BOD1L1: variants seen among roughly 807,000 people sequenced by gnomAD.
BOD1L1 encodes the protein biorientation of chromosomes in cell division 1 like 1, also known as biorientation of chromosomes in cell division protein 1-like 1.
BOD1L1 carries 86 observed loss-of-function variants against 240.7 expected under a neutral mutation model. That is an observed-to-expected ratio of 0.36 (90% CI 0.30 to 0.43). The LOEUF (loss-of-function observed/expected upper bound fraction) is 0.43, where lower values mean the gene tolerates loss of function less well. BOD1L1 is among the 20% of genes least tolerant of loss of function. BOD1L1 has a pLI of 1.00. For missense variants in BOD1L1, 3,554 were observed against 3,643.5 expected, an observed-to-expected ratio of 0.98 and a Z score of 0.63; for synonymous variants, 1,268 against 1,272.3, an observed-to-expected ratio of 1.00 and a Z score of 0.07.
At chr4:13,620,154 C>G (rs1262966324) in intron 1 of BOD1L1, 87 bp from the exon 2 acceptor site, 7 of 1,333,586 alleles carry the variant, frequency 5.2e-6, no homozygotes, top group Non-Finnish European at 1.0e-6. Flanking sequence ...CATGGGACAA[C>G]AAAGTTTCAC....
intron 9 of BOD1L1, among the ~76,000 whole-genome samples, chr4:13,606,848 A>G (rs952698649): frequency 6.6e-6 from 1 of 152,056 alleles, no homozygotes; most frequent in Non-Finnish European, 1.5e-5. Context: ...TTTTTTTGTC[A>G]TTACTGGCAT....
chr4:13,626,007 T>C (rs182658745), intron 1 of BOD1L1: 2 of 152,344 alleles, frequency 1.3e-5, no homozygotes, highest in African/African-American at 2.4e-5. Context: ...GTTGTAAACA[T>C]GCATTTCTCA....
Position 13,602,545 on chromosome 4 carries a change from G to T in BOD1L1, c.4355C>A (p.Ala1452Asp), listed in dbSNP as rs574689843. Residue 1452 changes from alanine (A) to aspartate (D), a missense_variant, in exon 10 of 26, where the codon GCT becomes GAT. Transcript: ENST00000040738. ...HVVGLNTEKY[A>D]ETVKLKHKRS... ...TTTATGCTTAAGTTTGACAGTTTCA[G>T]CATATTTTTCTGTATTCAGGCCTAC... 57 of 1,613,956 alleles carry T rather than the reference G, an allele frequency of 3.5e-5. No homozygotes were observed. The East Asian group carries it at 1.2e-3, about 34-fold the overall frequency.
intron 22 of BOD1L1, chr4:13,577,915 T>G (rs1712899423): frequency 3.7e-6 from 1 of 273,656 alleles, no homozygotes; most frequent in African/African-American, 2.3e-5. Flanking sequence ...ACTTTTTTTT[T>G]TTTTCTAAGA....
chr4:13,581,245 A>C (rs961226783), intron 19 of BOD1L1, 38 bp from the exon 20 acceptor site: 15 of 1,385,066 alleles, frequency 1.1e-5, no homozygotes, highest in African/African-American at 2.9e-5. Context: ...GCAATAAGAA[A>C]AAAAATTTTA....
chr4:13,611,467 C>T (rs2108976975), intron 5 of BOD1L1, among the ~76,000 whole-genome samples: 1 of 152,300 alleles, frequency 6.6e-6, no homozygotes, highest in Admixed American at 6.5e-5. Flanking sequence ...CTTTCACAGG[C>T]TGAACACAAA....
chr4:13,588,912 T>C (rs1713950977), intron 14 of BOD1L1, 120 bp from the exon 15 acceptor site: 12 of 616,262 alleles, frequency 1.9e-5, no homozygotes, highest in Non-Finnish European at 3.3e-5. Context: ...TGAGTACCAG[T>C]TATATACAGG....
At chr4:13,610,869 G>C (rs1384052753) in intron 6 of BOD1L1, 65 bp downstream of exon 6, 1 of 1,386,042 alleles carries the variant, frequency 7.2e-7, no homozygotes, top group Non-Finnish European at 9.9e-7. Context: ...GTACCTTGCA[G>C]ATAGACTATT....
At chr4:13,622,163 C>A (rs138156188) in intron 1 of BOD1L1, among the ~76,000 whole-genome samples, 48 of 152,262 alleles carry the variant, frequency 3.2e-4, no homozygotes, top group African/African-American at 1.1e-3. Flanking sequence ...CCATACCCAG[C>A]CCTAAAACTA....
In BOD1L1 at chr4:13,601,583, C is replaced by T. The variant is rs754513980; in HGVS notation, c.5317G>A (p.Ala1773Thr). The T allele has an allele frequency of 1.2e-6, 2 of 1,614,018 alleles. No homozygotes were observed. The highest frequency in any genetic ancestry group is 1.7e-6 in the Non-Finnish European group (2 of 1,179,900). ...ACAGAACCATCTCCTTCTTGGCTGG[C>T]ACTTGTTCCTGGTGGTGCATCATTA... ...GDNDAPPGTS[A>T]SQEGDGSVND... The change falls in exon 10 of 26, where the codon GCC becomes ACC. Residue 1773 changes from alanine to threonine, a missense_variant. Physicochemically the swap from Ala to Thr is moderately conservative, Grantham distance 58. Coordinates refer to ENST00000040738, the MANE Select transcript of BOD1L1 (RefSeq NM_148894.3).
chr4:13,599,206 G>A lies in BOD1L1; in HGVS notation c.7694C>T (p.Thr2565Ile). ...EQQGSEDNLK[T>I]STTKCITGQE... ...GCCAGTAATACATTTGGTGGTACTG[G>A]TTTTCAAGTTGTCTTCAGACCCCTG... Residue 2565 changes from threonine to isoleucine, a missense_variant, in exon 10 of 26, where the codon ACC becomes ATC. By Grantham distance (89) the Thr-to-Ile change is moderately conservative. Transcript: ENST00000040738. 1 of 1,613,910 alleles carries A rather than the reference G, an allele frequency of 6.2e-7. No homozygotes were observed. Among genetic ancestry groups the A allele is most frequent in the Non-Finnish European group, 8.5e-7 (1 of 1,179,838 alleles).
At chr4:13,582,785 C>T (rs746896859) in intron 17 of BOD1L1, 49 bp from the exon 18 acceptor site, 13 of 1,268,698 alleles carry the variant, frequency 1.0e-5, no homozygotes, top group South Asian at 2.5e-5. Context: ...CTGAAGCCTT[C>T]GTCCATTCAT....
At position 13,582,677 on chromosome 4, in the gene BOD1L1, A is replaced by T. The variant is rs146301325; in HGVS notation, c.8493T>A (p.Thr2831=). 2 of 1,612,508 alleles carry T rather than the reference A, an allele frequency of 1.2e-6. No homozygotes were observed. The highest frequency in any genetic ancestry group is 3.3e-5 in the Admixed American group (2 of 60,014). ...CTTTTTCTTCCATGACCCTTGAGGT[A>T]GTGCTATTTGTCTCAGAACTGGTTT... ...LPKTSSETNS[T]TSRVMEEKDE... is the part of the protein sequence containing the mutation. The change falls in exon 18 of 26, where the codon ACT becomes ACA. Residue 2831 remains threonine (T), a synonymous_variant. Transcript: ENST00000040738.
Position 13,603,032 on chromosome 4 carries a change from C to A in BOD1L1, c.3868G>T (p.Val1290Leu), listed in dbSNP as rs372828779. 2.5e-6 allele frequency: 4 copies of A among 1,613,866 alleles called. No homozygotes were observed. Among genetic ancestry groups the A allele is most frequent in the African/African-American group, 1.3e-5 (1 of 74,918 alleles). Residue 1290 changes from valine to leucine, a missense_variant, in exon 10 of 26, where the codon GTG (valine) becomes TTG (leucine). Around this residue, in one of 2 missense-constraint regions of BOD1L1, gnomAD observed 3,393 missense variants for 3,427.1 expected, o/e 0.99. Coordinates refer to ENST00000040738, the MANE Select transcript of BOD1L1 (RefSeq NM_148894.3). Reference sequence around the variant, plus strand: ...GGATCATACGATTCCCTCAGAGGCACAACAGTCACTGAACTTAAGGATGGT... The same window carrying A: ...GGATCATACGATTCCCTCAGAGGCAAAACAGTCACTGAACTTAAGGATGGT... ...SSPSLSSVTV[V>L]PLRESYDPDV...
In BOD1L1 at chr4:13,570,756, GGAGA is replaced by G. The variant is rs560713797; in HGVS notation, c.9039-632_9039-629del. Among the ~76,000 whole-genome samples, 15 of 152,224 alleles carry G rather than the reference GGAGA, an allele frequency of 9.9e-5. No homozygotes were observed. The South Asian group carries it at 3.1e-3, about 32-fold the overall frequency. On this transcript the variant is annotated intron_variant, in intron 25 of 25. Coordinates refer to ENST00000040738, the MANE Select transcript of BOD1L1 (RefSeq NM_148894.3). ...TCCTCTTGGGTCTCTGATGCTTTCA[GGAGA>G]AAATCATCCAGAGCCTTTTATAGTT...
In BOD1L1 at chr4:13,604,698, T is replaced by C. The variant is rs1247505457; in HGVS notation, c.2202A>G (p.Pro734=). Residue 734 remains proline (P), a synonymous_variant, in exon 10 of 26, where the codon CCA becomes CCG. Transcript: ENST00000040738. ...GTTTCACAGACAATTTGTCTTCCGA[T>C]GGAGTTTTCTCTCTTTCAGGCTTCT... ...SKEKPEREKT[P]SEDKLSVKHK... is the part of the protein sequence containing the mutation. 1 of 1,595,704 alleles carries C rather than the reference T, an allele frequency of 6.3e-7. No individual in the cohort carries two copies. The highest frequency in any genetic ancestry group is 8.5e-7 in the Non-Finnish European group (1 of 1,175,628).
rs139247763 is a variant in BOD1L1 at position 13,573,292 on chromosome 4, G to A, written c.9039-3164C>T. ...TGAAAAAGGAACTTGTTTAGCTGGT[G>A]TATTTTTCAATTTGAGGCTCAGTAA... On this transcript the variant is annotated intron_variant, in intron 25 of 25. Transcript: ENST00000040738. 4.6e-3 allele frequency among the ~76,000 whole-genome samples: 704 copies of A among 152,206 alleles called. 6 individuals are homozygous for A. Among genetic ancestry groups the A allele is most frequent in the African/African-American group, 0.016 (664 of 41,516 alleles).
intron 25 of BOD1L1, among the ~76,000 whole-genome samples, chr4:13,573,951 A>ACT (rs1712474114): frequency 6.6e-6 from 1 of 152,218 alleles, no homozygotes; most frequent in Non-Finnish European, 1.5e-5. Context: ...AGCTGGGATT[A>ACT]CAGGCATGAG....
chr4:13,584,700 G>A (rs10939489), intron 17 of BOD1L1, among the ~76,000 whole-genome samples: 3,225 of 152,128 alleles, frequency 0.021, 120 homozygotes, highest in African/African-American at 0.074. Flanking sequence ...TGACACGCAC[G>A]CAACTCACTT....
Sources: allele counts gnomAD v4.1 joint callset (sites outside exome capture counted in the v4.1 genomes callset), GRCh38; gene constraint gnomAD v4.1.1; regional missense constraint gnomAD v4.1.1; transcripts MANE v1.5; gene names NCBI Gene and HGNC (gene_info 2026-07-23, HGNC 2026-07-21).